TXNRD3: variants seen among roughly 807,000 people sequenced by gnomAD.
TXNRD3 encodes thioredoxin reductase 3, also known as TXNRD3 neighbor gene protein.
Under a neutral mutation model 78.2 loss-of-function variants are expected in TXNRD3, and 68 were observed. The observed-to-expected ratio is 0.87, with a 90% CI of 0.72 to 1.06. The LOEUF (loss-of-function observed/expected upper bound fraction) is 1.06. Ranked by LOEUF, TXNRD3 falls within the 50% of genes least tolerant of loss-of-function variation. The pLI is 0.00. For missense variants in TXNRD3, 751 were observed against 809.5 expected, an observed-to-expected ratio of 0.93 and a Z score of 0.88; for synonymous variants, 296 against 300.1, an observed-to-expected ratio of 0.99 and a Z score of 0.14.
At chr3:126,642,208 A>T in intron 5 of TXNRD3, 57 bp from the exon 6 acceptor site, 1 of 1,490,948 alleles carries the variant, frequency 6.7e-7, no homozygotes, top group Non-Finnish European at 8.9e-7. Context: ...ACACATCTGC[A>T]ATCATATTAT....
chr3:126,654,718 C>T (rs1933470321), intron 1 of TXNRD3, 30 bp downstream of exon 1: 5 of 1,260,894 alleles, frequency 4.0e-6, no homozygotes, highest in Non-Finnish European at 5.0e-6. Context: ...CCCGGTCGCG[C>T]GCGGTGGAAC....
At position 126,616,653 on chromosome 3, in the gene TXNRD3, A is replaced by G. The variant is rs148768548; in HGVS notation, c.1525-1191T>C. Among the ~76,000 whole-genome samples, 129 of 152,232 alleles carry G rather than the reference A, an allele frequency of 8.5e-4. 1 individual carries two copies. The highest frequency in any genetic ancestry group is 2.9e-3 in the African/African-American group (122 of 41,538). On this transcript the variant is annotated intron_variant, in intron 12 of 15. Transcript: ENST00000524230. The stretch of plus-strand genomic sequence containing the variant: ...AAATGCAGGCAGGCCCAGCCCTAGT[A>G]TAGTTCTTTTTTTAGGTTCCTCTGT...
rs1302249294 is a variant in TXNRD3 at position 126,607,826 on chromosome 3, A to G, written c.*79T>C. 6 of 1,220,140 alleles carry G rather than the reference A, an allele frequency of 4.9e-6. No individual in the cohort carries two copies. The highest frequency in any genetic ancestry group is 1.5e-5 in the African/African-American group (1 of 66,636). The allele number at this position is 1,220,140 out of a possible 1,614,324, so 75.6% of individuals were successfully genotyped here. A position where few individuals can be genotyped will look rare whatever the true frequency, so the allele number is the denominator to read the frequency against. ...GAGTAACAGAGCAGCTGTCATGAGC[A>G]CAGGCTCATTTTATCCGAGAGCATT... On this transcript the variant is annotated 3_prime_UTR_variant, in exon 16 of 16. Coordinates refer to ENST00000524230, the MANE Select transcript of TXNRD3 (RefSeq NM_052883.3).
intron 9 of TXNRD3, among the ~76,000 whole-genome samples, chr3:126,630,420 A>G (rs1938679521): frequency 6.6e-6 from 1 of 152,206 alleles, no homozygotes; most frequent in Non-Finnish European, 1.5e-5. Flanking sequence ...GTTCAAGATG[A>G]GAGACAGTGA....
chr3:126,632,495 TA>T (rs954311300), intron 7 of TXNRD3, among the ~76,000 whole-genome samples: 67 of 151,156 alleles, frequency 4.4e-4, no homozygotes, highest in African/African-American at 1.6e-3. Context: ...CATCTCTACT[TA>T]AAAAAACACA....
At chr3:126,610,872 A>G (rs1938183560) in intron 14 of TXNRD3, among the ~76,000 whole-genome samples, 165 bp downstream of exon 14, 1 of 152,148 alleles carries the variant, frequency 6.6e-6, no homozygotes, top group Admixed American at 6.5e-5. Flanking sequence ...CCAGCTGCTC[A>G]GGAAGCTGAA....
At chr3:126,650,170 T>C (rs865819850) in intron 1 of TXNRD3, among the ~76,000 whole-genome samples, 67 of 152,342 alleles carry the variant, frequency 4.4e-4, no homozygotes, top group African/African-American at 1.6e-3. Flanking sequence ...CTGTATAGTT[T>C]GCGTTATTAT....
intron 7 of TXNRD3, among the ~76,000 whole-genome samples, chr3:126,632,441 A>T (rs552806735): frequency 6.6e-6 from 1 of 152,002 alleles, no homozygotes; most frequent in Non-Finnish European, 1.5e-5. Context: ...GGCAGATCAC[A>T]AGGTCAGGAG....
chr3:126,653,558 T>C (rs972950703), intron 1 of TXNRD3, among the ~76,000 whole-genome samples: 7 of 152,232 alleles, frequency 4.6e-5, no homozygotes, highest in Non-Finnish European at 1.0e-4. Context: ...TATCAACTGT[T>C]AGCAAGGATG....
At position 126,607,923 on chromosome 3, in the gene TXNRD3, C is replaced by T; in HGVS notation, c.1914G>A (p.Gln638=). ...AGCAGGCCTAGCCTCAGCAGCCTTT[C>T]TGAGTGATGTCTAGTCCTGACGACT... is the stretch of plus-strand genomic sequence containing the variant. Residue 638 remains glutamine, a synonymous_variant, in exon 16 of 16, where the codon CAG becomes CAA. Coordinates refer to ENST00000524230, the MANE Select transcript of TXNRD3 (RefSeq NM_052883.3). 6.6e-7 allele frequency: 1 copy of T among 1,516,864 alleles called. No homozygotes were observed. Among genetic ancestry groups the T allele is most frequent in the Admixed American group, 2.0e-5 (1 of 50,746 alleles). 94.0% of individuals were successfully genotyped at this position (1,516,864 alleles called of 1,614,324 possible). A position where few individuals can be genotyped will look rare whatever the true frequency, so the allele number is the denominator to read the frequency against.
chr3:126,647,872 A>T (rs1933278840), intron 1 of TXNRD3, among the ~76,000 whole-genome samples: 1 of 152,204 alleles, frequency 6.6e-6, no homozygotes, highest in Admixed American at 6.5e-5. Flanking sequence ...TAGCCAGAGC[A>T]ATACCACAAG....
Position 126,654,786 on chromosome 3 carries a change from C to T in TXNRD3, c.205G>A (p.Val69Met). Residue 69 changes from valine to methionine, a missense_variant, in exon 1 of 16, where the codon GTG becomes ATG. Physicochemically the swap from Val to Met is conservative, Grantham distance 21 (BLOSUM62 1). Coordinates refer to ENST00000524230, the MANE Select transcript of TXNRD3 (RefSeq NM_052883.3). Reference sequence around the variant, plus strand: ...GGACAGTAGCTCTTGCTGAAGATCACCACCCGGCTGCGCTCGATGAGGCCC... The same window carrying T: ...GGACAGTAGCTCTTGCTGAAGATCATCACCCGGCTGCGCTCGATGAGGCCC... 1 of 1,430,348 alleles carries T rather than the reference C, an allele frequency of 7.0e-7. No individual in the cohort carries two copies. The highest frequency in any genetic ancestry group is 9.1e-7 in the Non-Finnish European group (1 of 1,092,946). 88.6% of individuals were successfully genotyped at this position (1,430,348 alleles called of 1,614,324 possible). A position where few individuals can be genotyped will look rare whatever the true frequency, so the allele number is the denominator to read the frequency against.
In TXNRD3 at chr3:126,623,791, T is replaced by C. The variant is rs1041661665; in HGVS notation, c.1291-1251A>G. ...CCTAACACCAGGAACCAGACAGGCATGCCCATTCTCACCATTTCTAATCAA... is the reference window on the plus strand; with the variant it reads ...CCTAACACCAGGAACCAGACAGGCACGCCCATTCTCACCATTTCTAATCAA... On this transcript the variant is annotated intron_variant, in intron 10 of 15. Transcript: ENST00000524230. Among the ~76,000 whole-genome samples the C allele has an allele frequency of 2.1e-5, 3 of 145,096 alleles. 1 individual carries two copies.
intron 12 of TXNRD3, 99 bp from the exon 13 acceptor site, chr3:126,615,561 CA>C: frequency 1.9e-6 from 1 of 529,442 alleles, no homozygotes; most frequent in Non-Finnish European, 3.1e-6. Flanking sequence ...CAGTCCAGTT[CA>C]GTGTAACCAA....
chr3:126,628,634 G>T (rs527352196), intron 10 of TXNRD3, among the ~76,000 whole-genome samples: 1 of 152,074 alleles, frequency 6.6e-6, no homozygotes, highest in South Asian at 2.1e-4. Context: ...GATCTCTAAG[G>T]AGAAATGTAT....
In TXNRD3 at chr3:126,654,758, T is replaced by C. The variant is rs1933471645; in HGVS notation, c.233A>G (p.His78Arg). 6.4e-6 allele frequency: 9 copies of C among 1,404,204 alleles called. No homozygotes were observed. The African/African-American group carries it at 7.5e-5, about 12-fold the overall frequency. The allele number at this position is 1,404,204 out of a possible 1,614,324, so 87.0% of individuals were successfully genotyped here. ...GAGGGCCGCGCCTACCCGAGTACTA[T>C]GGGGACAGTAGCTCTTGCTGAAGAT... Residue 78 changes from histidine (H) to arginine (R), a missense_variant, in exon 1 of 16, where the codon CAT becomes CGT. Transcript: ENST00000524230.
At position 126,622,493 on chromosome 3, in the gene TXNRD3, C is replaced by T; in HGVS notation, c.1338G>A (p.Leu446=). The change falls in exon 11 of 16, where the codon TTG becomes TTA. Residue 446 remains leucine (L), a synonymous_variant. Coordinates refer to ENST00000524230, the MANE Select transcript of TXNRD3 (RefSeq NM_052883.3). ...CATTAATTTTGACACCAATCTTCTC[C>T]AAGCCTATTTTCCTTGTACAGGAGT... 6.5e-7 allele frequency: 1 copy of T among 1,535,682 alleles called. No homozygotes were observed. Among genetic ancestry groups the T allele is most frequent in the Non-Finnish European group, 8.7e-7 (1 of 1,146,776 alleles).
At chr3:126,631,288 T>C (rs1468398306) in intron 8 of TXNRD3, among the ~76,000 whole-genome samples, 2 of 152,098 alleles carry the variant, frequency 1.3e-5, no homozygotes, top group African/African-American at 4.8e-5. Context: ...AACAAAAAAC[T>C]GCAACAAAAA....
Position 126,622,512 on chromosome 3 carries a change from C to T in TXNRD3, c.1319G>A (p.Cys440Tyr), listed in dbSNP as rs1938480880. ...CTTCTCCAAGCCTATTTTCCTTGTACAGGAGTCACGACCAATAGCTAACAA... is the reference window on the plus strand; with the variant it reads ...CTTCTCCAAGCCTATTTTCCTTGTATAGGAGTCACGACCAATAGCTAACAA... The change falls in exon 11 of 16, where the codon TGT becomes TAT. Residue 440 changes from cysteine to tyrosine, a missense_variant. Physicochemically the swap from Cys to Tyr is radical, Grantham distance 194. Coordinates refer to ENST00000524230, the MANE Select transcript of TXNRD3 (RefSeq NM_052883.3). 6.5e-7 allele frequency: 1 copy of T among 1,535,230 alleles called. No homozygotes were observed. Among genetic ancestry groups the T allele is most frequent in the African/African-American group, 1.4e-5 (1 of 73,000 alleles).
Sources: gnomAD v4.1 joint callset for allele counts (sites outside exome capture counted in the v4.1 genomes callset) on GRCh38, gnomAD v4.1.1 for gene constraint, MANE v1.5 for transcripts, NCBI Gene and HGNC (gene_info 2026-07-23, HGNC 2026-07-21) for gene names.